Variants in VSTM2A observed in about 807,000 individuals in gnomAD.
VSTM2A encodes the protein V-set and transmembrane domain containing 2A.
VSTM2A carries 13 observed loss-of-function variants against 27.3 expected under a neutral mutation model. The observed-to-expected ratio is 0.48, with a 90% CI of 0.31 to 0.76. The LOEUF (loss-of-function observed/expected upper bound fraction) is 0.76, where lower values mean the gene tolerates loss of function less well. Ranked by LOEUF, VSTM2A falls within the 30% of genes least tolerant of loss-of-function variation. VSTM2A has a pLI of 0.05. For synonymous variants in VSTM2A, 142 were observed against 125.7 expected, an observed-to-expected ratio of 1.13 and a Z score of -0.87; for missense variants, 280 against 310.0, an observed-to-expected ratio of 0.90 and a Z score of 0.73.
chr7:54,548,539 G>A (rs1412607338), intron 3 of VSTM2A, among the ~76,000 whole-genome samples: 1 of 151,914 alleles, frequency 6.6e-6, no homozygotes, highest in Non-Finnish European at 1.5e-5. Context: ...TGATTCTAAT[G>A]TACACTCAGT....
intron 4 of VSTM2A, among the ~76,000 whole-genome samples, chr7:54,562,273 A>C (rs1788586012): frequency 6.6e-6 from 1 of 152,198 alleles, no homozygotes; most frequent in Admixed American, 6.5e-5. Flanking sequence ...TTCAATTTAC[A>C]TAAGAAGATA....
rs118084252 is a variant in VSTM2A at position 54,553,241 on chromosome 7, T to C, written c.634+3071T>C. Among the ~76,000 whole-genome samples, 1,192 of 152,330 alleles carry C rather than the reference T, an allele frequency of 7.8e-3. 11 individuals carry two copies. The highest frequency in any genetic ancestry group is 0.01 in the Middle Eastern group (3 of 294). On this transcript the variant is annotated intron_variant, in intron 4 of 4. Transcript: ENST00000402613. ...CCCTCCCACTTAAAATTCTTTTTTA[T>C]CTTTGTGAATCCTTCACTTGTAAAA...
At chr7:54,546,391 G>T (rs1787969500) in intron 2 of VSTM2A, among the ~76,000 whole-genome samples, 1 of 151,848 alleles carries the variant, frequency 6.6e-6, no homozygotes, top group South Asian at 2.1e-4. Context: ...AGCGAGAGGC[G>T]GCGCCCCTGC....
chr7:54,547,180 T>C (rs577901232), intron 3 of VSTM2A, 183 bp downstream of exon 3: 2 of 580,700 alleles, frequency 3.4e-6, no homozygotes, highest in African/African-American at 2.0e-5. Context: ...TTACATATTT[T>C]AGTCACGTAA....
intron 4 of VSTM2A, 194 bp downstream of exon 4, chr7:54,550,364 C>T (rs932667717): frequency 3.5e-6 from 5 of 1,427,536 alleles, no homozygotes; most frequent in South Asian, 3.1e-5. Context: ...GGGTGCACCC[C>T]GTCAGTCCCC....
intron 4 of VSTM2A, among the ~76,000 whole-genome samples, chr7:54,554,835 GC>G (rs1234902045): frequency 6.6e-6 from 1 of 152,204 alleles, no homozygotes; most frequent in East Asian, 1.9e-4. Context: ...GGGAGCCCAA[GC>G]AAACACTGCC....
intron 4 of VSTM2A, 120 bp downstream of exon 4, chr7:54,550,290 G>A (rs1440769952): frequency 2.0e-6 from 3 of 1,497,176 alleles, no homozygotes; most frequent in African/African-American, 2.8e-5. Flanking sequence ...ACCTAGTTCA[G>A]TGCAAGTGAT....
chr7:54,562,708 A>G (rs1447908201), intron 4 of VSTM2A, among the ~76,000 whole-genome samples: 1 of 152,208 alleles, frequency 6.6e-6, no homozygotes, highest in Non-Finnish European at 1.5e-5. Context: ...ACCAGTGCAC[A>G]TGGATGCCAT....
At chr7:54,560,898 G>A (rs553165830) in intron 4 of VSTM2A, among the ~76,000 whole-genome samples, 2 of 152,254 alleles carry the variant, frequency 1.3e-5, no homozygotes, top group African/African-American at 4.8e-5. Context: ...GCAGTGAAGG[G>A]CTCTGTTATG....
rs183149101 is a variant in VSTM2A at position 54,548,820 on chromosome 7, T to G, written c.298-1014T>G. 1.5e-4 allele frequency among the ~76,000 whole-genome samples: 23 copies of G among 152,146 alleles called. 1 individual carries two copies. The highest frequency in any genetic ancestry group is 5.9e-5 in the Non-Finnish European group (4 of 67,992). ...GTGCTTCTCAGGTTTTCCTAGTAAT[T>G]TATGGCCGTTTGAAAGTGTAGTGGC... On this transcript the variant is annotated intron_variant, in intron 3 of 4. Coordinates refer to ENST00000402613, the MANE Select transcript of VSTM2A (RefSeq NM_001301009.2).
rs1051099413 is a variant in VSTM2A at position 54,570,200 on chromosome 7, T to TTA, written c.*982_*983insAT. The TTA allele has an allele frequency of 9.9e-5, 15 of 152,280 alleles. No individual in the cohort carries two copies. Among genetic ancestry groups the TTA allele is most frequent in the African/African-American group, 3.6e-4 (15 of 41,562 alleles). 9.4% of individuals were successfully genotyped at this position (152,280 alleles called of 1,614,324 possible). A position where few individuals can be genotyped will look rare whatever the true frequency, so the allele number is the denominator to read the frequency against. ...CCTTTATACATGGTGTTTATTGAGG[T>TTA]TTGAGAGTCTCTTGACTGTGAAGAA... On this transcript the variant is annotated 3_prime_UTR_variant, in exon 5 of 5. Coordinates refer to ENST00000402613, the MANE Select transcript of VSTM2A (RefSeq NM_001301009.2).
chr7:54,560,378 C>A (rs1788517948), intron 4 of VSTM2A, among the ~76,000 whole-genome samples: 1 of 151,926 alleles, frequency 6.6e-6, no homozygotes, highest in South Asian at 2.1e-4. Context: ...TTTTTCTAAG[C>A]AAATAGGTGT....
intron 4 of VSTM2A, among the ~76,000 whole-genome samples, chr7:54,562,970 C>T (rs1172216735): frequency 5.9e-5 from 9 of 152,160 alleles, no homozygotes; most frequent in Admixed American, 1.3e-4. Context: ...TTTAGCAACA[C>T]TTGTCTATAT....
intron 4 of VSTM2A, among the ~76,000 whole-genome samples, chr7:54,557,480 C>T (rs371775288): frequency 4.6e-5 from 7 of 152,016 alleles, no homozygotes; most frequent in East Asian, 3.9e-4. Flanking sequence ...ATTACAGGTG[C>T]GCACCACCAC....
chr7:54,544,891 A>G, intron 2 of VSTM2A, 103 bp downstream of exon 2: 1 of 1,356,788 alleles, frequency 7.4e-7, no homozygotes. Context: ...ACCCCTGGGG[A>G]CCTGCCCGGT....
chr7:54,549,891 A>G lies in VSTM2A; in HGVS notation c.355A>G (p.Lys119Glu). 1 of 1,612,006 alleles carries G rather than the reference A, an allele frequency of 6.2e-7. No homozygotes were observed. Among genetic ancestry groups the G allele is most frequent in the Non-Finnish European group, 8.5e-7 (1 of 1,179,076 alleles). Reference protein sequence around the residue: ...SHKLQISKVRKKDEGLYECRV... With the variant: ...SHKLQISKVREKDEGLYECRV... ...CAAGCTTCAGATTTCCAAAGTGAGGAAAAAGGATGAAGGCTTATATGAGTG... is the reference window on the plus strand; with the variant it reads ...CAAGCTTCAGATTTCCAAAGTGAGGGAAAAGGATGAAGGCTTATATGAGTG... The change falls in exon 4 of 5, where the codon AAA becomes GAA. Residue 119 changes from lysine to glutamate, a missense_variant. Physicochemically the swap from Lys to Glu is moderately conservative, Grantham distance 56. Coordinates refer to ENST00000402613, the MANE Select transcript of VSTM2A (RefSeq NM_001301009.2).
intron 4 of VSTM2A, among the ~76,000 whole-genome samples, chr7:54,562,411 G>T (rs546923680): frequency 6.6e-6 from 1 of 152,108 alleles, no homozygotes; most frequent in East Asian, 1.9e-4. Flanking sequence ...CTGCTTTGAT[G>T]AGAGATTTTT....
At chr7:54,546,800 TG>T in intron 2 of VSTM2A, 146 bp from the exon 3 acceptor site, 1 of 882,486 alleles carries the variant, frequency 1.1e-6, no homozygotes, top group Non-Finnish European at 1.7e-6. Context: ...GGTCTGGGCC[TG>T]GACAGGGGTG....
intron 3 of VSTM2A, among the ~76,000 whole-genome samples, chr7:54,548,016 C>T (rs1225847402): frequency 6.6e-6 from 1 of 152,144 alleles, no homozygotes; most frequent in Non-Finnish European, 1.5e-5. Flanking sequence ...TTTTAGAATA[C>T]TTCAATTATT....
Sources: allele counts gnomAD v4.1 joint callset (sites outside exome capture counted in the v4.1 genomes callset), GRCh38; gene constraint gnomAD v4.1.1; transcripts MANE v1.5; gene names NCBI Gene and HGNC (gene_info 2026-07-23, HGNC 2026-07-21).